The following CEP192 variants were observed in gnomAD, a reference collection of about 807,000 sequenced individuals.
CEP192 encodes the protein centrosomal protein of 192 kDa.
Under a neutral mutation model 271.8 loss-of-function variants are expected in CEP192, and 151 were observed. The ratio of observed to expected loss-of-function variants is 0.56; its 90% CI spans 0.49 to 0.64. The LOEUF (loss-of-function observed/expected upper bound fraction) is 0.64, where lower values mean the gene tolerates loss of function less well. Among genes scored for constraint, CEP192 ranks in the 30% least tolerant of loss-of-function variants. The pLI is 0.00. For synonymous variants in CEP192, 995 were observed against 1,076.5 expected (o/e 0.92, Z 1.48); for missense variants, 2,910 against 3,020.5 (o/e 0.96, Z 0.86).
At chr18:13,084,927 C>T (rs1290582485) in intron 30 of CEP192, among the ~76,000 whole-genome samples, 1 of 151,778 alleles carries the variant, frequency 6.6e-6, no homozygotes, top group East Asian at 1.9e-4. Flanking sequence ...GATTCTCCTG[C>T]CTCTGAGCCT....
At chr18:13,016,982 A>G (rs2034684743) in intron 6 of CEP192, among the ~76,000 whole-genome samples, 1 of 152,162 alleles carries the variant, frequency 6.6e-6, no homozygotes, top group Non-Finnish European at 1.5e-5. Context: ...TGTCTTCTCA[A>G]AGAGGTTAAA....
chr18:13,016,148 C>G (rs924473852), intron 6 of CEP192, among the ~76,000 whole-genome samples: 1 of 152,102 alleles, frequency 6.6e-6, no homozygotes, highest in Non-Finnish European at 1.5e-5. Context: ...CCCAACAGGC[C>G]CCAAATGTGC....
chr18:12,993,347 C>G (rs961517560), intron 1 of CEP192, among the ~76,000 whole-genome samples: 1 of 152,160 alleles, frequency 6.6e-6, no homozygotes, highest in Non-Finnish European at 1.5e-5. Context: ...GAAGTATGGT[C>G]GTTCCCTCAG....
At chr18:13,015,049 C>T (rs1480883294) in intron 5 of CEP192, among the ~76,000 whole-genome samples, 3 of 152,100 alleles carry the variant, frequency 2.0e-5, no homozygotes, top group Non-Finnish European at 4.4e-5. Flanking sequence ...TATTTGTGTA[C>T]TTACTATATT....
At chr18:13,079,363 G>T (rs886731979) in intron 30 of CEP192, among the ~76,000 whole-genome samples, 3 of 152,182 alleles carry the variant, frequency 2.0e-5, no homozygotes, top group Admixed American at 2.0e-4. Flanking sequence ...TTGTGGTTTT[G>T]ATTTGCATTT....
intron 4 of CEP192, among the ~76,000 whole-genome samples, chr18:13,008,998 T>C (rs1034317105): frequency 2.7e-5 from 4 of 149,832 alleles, no homozygotes; most frequent in African/African-American, 4.9e-5. Flanking sequence ...CCTAAGCCAC[T>C]GTGCCTGGCC....
intron 38 of CEP192, among the ~76,000 whole-genome samples, chr18:13,101,022 C>G (rs1248553393): frequency 6.6e-6 from 1 of 152,158 alleles, no homozygotes; most frequent in African/African-American, 2.4e-5. Flanking sequence ...ATTTTTTGAC[C>G]TGGTGATGGT....
At chr18:13,079,007 A>G (rs1012162589) in intron 30 of CEP192, among the ~76,000 whole-genome samples, 15 of 152,084 alleles carry the variant, frequency 9.9e-5, no homozygotes, top group South Asian at 2.1e-4. Context: ...TGGTGTATAT[A>G]TGCCACATTT....
At chr18:13,108,681 A>G (rs1004045374) in intron 40 of CEP192, among the ~76,000 whole-genome samples, 63 of 152,190 alleles carry the variant, frequency 4.1e-4, no homozygotes, top group Non-Finnish European at 7.8e-4. Flanking sequence ...TGTCTCTACA[A>G]AAAATACAGA....
rs748818779 is a variant in CEP192, at chr18:13,008,609, T to C, written c.444T>C (p.Ala148=). Residue 148 remains alanine, a synonymous_variant, in exon 4 of 45, where the codon GCT becomes GCC. Coordinates refer to ENST00000506447, the MANE Select transcript of CEP192 (RefSeq NM_032142.4). ...SLQGQDLFNR[A]SPLEQAQDSP... ...AGGGCCAAGATCTCTTCAACAGGGC[T>C]TCACCACTGGAACAAGCACAAGGTA... 22 of 1,550,600 alleles carry C rather than the reference T, an allele frequency of 1.4e-5. No individual in the cohort carries two copies. The highest frequency in any genetic ancestry group is 9.8e-5 in the East Asian group (4 of 40,938).
intron 44 of CEP192, among the ~76,000 whole-genome samples, chr18:13,117,879 G>T (rs978556550): frequency 3.3e-5 from 5 of 152,234 alleles, no homozygotes; most frequent in Non-Finnish European, 5.9e-5. Flanking sequence ...TTGGGCTGGT[G>T]TGACTCCTCC....
Position 13,114,150 on chromosome 18 carries a change from G to T in CEP192, c.7188G>T (p.Glu2396Asp), listed in dbSNP as rs139980649. Residue 2396 changes from glutamate (E) to aspartate (D), a missense_variant, in exon 42 of 45, where the codon GAG becomes GAT. By Grantham distance (45) the Glu-to-Asp change is conservative (BLOSUM62 2). Coordinates refer to ENST00000506447, the MANE Select transcript of CEP192 (RefSeq NM_032142.4). Reference protein sequence around the residue: ...LSGQSIEAENEPENACLSTDS... With the variant: ...LSGQSIEAENDPENACLSTDS... ...TATAGAGCATCGAAGCAGAAAATGA[G>T]CCTGAAAACGCATGCCTTTCCACGG... is the stretch of plus-strand genomic sequence containing the variant. The T allele has an allele frequency of 1.9e-6, 3 of 1,613,658 alleles. No individual in the cohort carries two copies. Among genetic ancestry groups the T allele is most frequent in the Non-Finnish European group, 2.5e-6 (3 of 1,179,888 alleles).
intron 4 of CEP192, 58 bp from the exon 5 acceptor site, chr18:13,012,914 TG>T: frequency 2.3e-6 from 2 of 858,114 alleles, no homozygotes; most frequent in Non-Finnish European, 3.7e-6. Flanking sequence ...TAGGTATCGT[TG>T]GGTATTTGGT....
At chr18:13,042,645 A>G (rs998341093) in intron 15 of CEP192, among the ~76,000 whole-genome samples, 1 of 152,244 alleles carries the variant, frequency 6.6e-6, no homozygotes, top group Non-Finnish European at 1.5e-5. Context: ...TGCCGCCTCC[A>G]GTTACCTGAC....
chr18:13,019,502 ATGTT>A (rs981151893), intron 9 of CEP192, among the ~76,000 whole-genome samples: 6 of 152,058 alleles, frequency 3.9e-5, no homozygotes, highest in African/African-American at 1.4e-4. Context: ...TTGCTCAAAC[ATGTT>A]TGTTTTTCAT....
At chr18:13,081,049 A>G (rs1033577693) in intron 30 of CEP192, among the ~76,000 whole-genome samples, 1 of 152,190 alleles carries the variant, frequency 6.6e-6, no homozygotes, top group African/African-American at 2.4e-5. Context: ...CCAGTATTTT[A>G]TTGAAGATTT....
chr18:13,096,665 G>A (rs1321304208), intron 36 of CEP192, among the ~76,000 whole-genome samples: 1 of 152,210 alleles, frequency 6.6e-6, no homozygotes, highest in Non-Finnish European at 1.5e-5. Flanking sequence ...GGGTCGCGAT[G>A]TGTCCCGAGC....
At position 13,071,441 on chromosome 18, in the gene CEP192, G is replaced by A. The variant is rs113409255; in HGVS notation, c.5348+229G>A. Among the ~76,000 whole-genome samples the A allele has an allele frequency of 7.1e-3, 1,088 of 152,314 alleles. 13 individuals carry two copies. The highest frequency in any genetic ancestry group is 0.02 in the Middle Eastern group (6 of 294). On this transcript the variant is annotated intron_variant, in intron 28 of 44. Transcript: ENST00000506447. ...GACCAACAATACAGTTACTGCTGAG[G>A]AGGGAGTATCCCCTTAAATTCACTG...
chr18:13,116,598 G>A, intron 43 of CEP192, 95 bp downstream of exon 43: 12 of 1,257,874 alleles, frequency 9.5e-6, no homozygotes, highest in Non-Finnish European at 1.3e-5. Context: ...CTATATTTAA[G>A]TTGTAAGAAT....
Sources: allele counts gnomAD v4.1 joint callset (sites outside exome capture counted in the v4.1 genomes callset), GRCh38; gene constraint gnomAD v4.1.1; transcripts MANE v1.5; gene names NCBI Gene and HGNC (gene_info 2026-07-23, HGNC 2026-07-21).